Variants in PSMB1 observed in about 807,000 individuals in gnomAD.
PSMB1 encodes the protein proteasome 20S subunit beta 1.
Under a neutral mutation model 25.4 loss-of-function variants are expected in PSMB1, and 7 were observed. The ratio of observed to expected loss-of-function variants is 0.28; its 90% CI spans 0.16 to 0.52. The LOEUF (loss-of-function observed/expected upper bound fraction) is 0.52. Ranked by LOEUF, PSMB1 falls within the 20% of genes least tolerant of loss-of-function variation. The probability of loss-of-function intolerance (pLI) is 0.97; values close to 1 mark genes in which losing one functional copy is unlikely to be tolerated. For missense variants in PSMB1, 284 were observed against 302.2 expected (o/e 0.94, Z 0.45); for synonymous variants, 119 against 115.0 (o/e 1.03, Z -0.22).
chr6:170,545,996 C>A (rs1377097909), intron 3 of PSMB1, 107 bp downstream of exon 3: 7 of 875,608 alleles, frequency 8.0e-6, no homozygotes, highest in Non-Finnish European at 1.3e-5. Flanking sequence ...CATCTACTAA[C>A]CTAGTGACTC....
In PSMB1 at chr6:170,550,525, C is replaced by T. The variant is rs139311041; in HGVS notation, c.114-1412G>A. 2.4e-3 allele frequency: 365 copies of T among 152,194 alleles called. 2 individuals are homozygous for T. Among genetic ancestry groups the T allele is most frequent in the Non-Finnish European group, 2.7e-3 (185 of 68,054 alleles). The allele number at this position is 152,194 out of a possible 1,614,324, so 9.4% of individuals were successfully genotyped here. The stretch of plus-strand genomic sequence containing the variant: ...GTTCAAGGCTGCAGTGAGCTATGAT[C>T]GTGCCTGGGCATTAGAGTGAGACCT... On this transcript the variant is annotated intron_variant, in intron 1 of 5. Transcript: ENST00000262193.
Position 170,536,462 on chromosome 6 carries a change from A to G in PSMB1, c.540+772T>C, listed in dbSNP as rs575315798. 49 of 456,754 alleles carry G rather than the reference A, an allele frequency of 1.1e-4. No individual in the cohort carries two copies. The East Asian group carries it at 3.3e-3, about 30-fold the overall frequency. 28.3% of individuals were successfully genotyped at this position (456,754 alleles called of 1,614,324 possible). A position where few individuals can be genotyped will look rare whatever the true frequency, so the allele number is the denominator to read the frequency against. On this transcript the variant is annotated intron_variant, in intron 5 of 5. Coordinates refer to ENST00000262193, the MANE Select transcript of PSMB1 (RefSeq NM_002793.4). ...GAACTGCTCCCCAAGAAGCAGGGAA[A>G]GTTATGACATCACAAGAAAAAGCTG...
At chr6:170,542,860 T>C (rs747984237) in intron 4 of PSMB1, among the ~76,000 whole-genome samples, 2 of 152,164 alleles carry the variant, frequency 1.3e-5, no homozygotes, top group Non-Finnish European at 2.9e-5. Context: ...CTTATCTCAA[T>C]GGACTACTCT....
At chr6:170,537,447 G>T in intron 4 of PSMB1, 107 bp from the exon 5 acceptor site, 1 of 829,144 alleles carries the variant, frequency 1.2e-6, no homozygotes, top group Non-Finnish European at 1.9e-6. Flanking sequence ...TATCACCTTG[G>T]CTAAAACTTC....
intron 3 of PSMB1, among the ~76,000 whole-genome samples, chr6:170,544,211 T>C (rs1778789646): frequency 8.8e-6 from 1 of 113,242 alleles, no homozygotes; most frequent in African/African-American, 4.2e-5. Flanking sequence ...ATTTACTATC[T>C]GGTCCTTTAC....
rs57002371 is a variant in PSMB1 at position 170,548,503 on chromosome 6, TA to T, written c.221+502del. Among the ~76,000 whole-genome samples, 987 of 144,492 alleles carry T rather than the reference TA, an allele frequency of 6.8e-3. 4 individuals are homozygous for T. The highest frequency in any genetic ancestry group is 7.8e-3 in the Non-Finnish European group (512 of 65,414). The allele number at this position is 144,492 out of a possible 152,430, so 94.8% of individuals were successfully genotyped here. On this transcript the variant is annotated intron_variant, in intron 2 of 5. Coordinates refer to ENST00000262193, the MANE Select transcript of PSMB1 (RefSeq NM_002793.4). Reference sequence around the variant, plus strand: ...ATATTTCTAAAACGAATGTTTCAGGTAAAAAAAAAAAGTGTGGGGAGGCAGA... The same window carrying T: ...ATATTTCTAAAACGAATGTTTCAGGTAAAAAAAAAAGTGTGGGGAGGCAGA...
At chr6:170,537,173 C>A in intron 5 of PSMB1, 61 bp downstream of exon 5, 1 of 1,342,422 alleles carries the variant, frequency 7.4e-7, no homozygotes, top group Admixed American at 1.7e-5. Flanking sequence ...GAGGAAGGCA[C>A]TTCAACTGAA....
At chr6:170,538,843 T>C (rs1778726497) in intron 4 of PSMB1, among the ~76,000 whole-genome samples, 1 of 151,972 alleles carries the variant, frequency 6.6e-6, no homozygotes, top group Non-Finnish European at 1.5e-5. Flanking sequence ...CTAACCTCAA[T>C]ATACAAAAAA....
In PSMB1 at chr6:170,537,319, A is replaced by G. The variant is rs1778706959; in HGVS notation, c.455T>C (p.Phe152Ser). 1.2e-6 allele frequency: 2 copies of G among 1,614,044 alleles called. No homozygotes were observed. Among genetic ancestry groups the G allele is most frequent in the Non-Finnish European group, 8.5e-7 (1 of 1,179,914 alleles). Reference protein sequence around the residue: ...DEEGKGAVYSFDPVGSYQRDS... With the variant: ...DEEGKGAVYSSDPVGSYQRDS... The stretch of plus-strand genomic sequence containing the variant: ...TCTCTGGTAAGACCCTACTGGATCA[A>G]AGCTGTATACAGCCCCCTTTCCTTA... Residue 152 changes from phenylalanine (F) to serine (S), a missense_variant, in exon 5 of 6, where the codon TTT becomes TCT. Phe to Ser is a radical substitution (Grantham distance 155). Transcript: ENST00000262193.
intron 1 of PSMB1, 41 bp downstream of exon 1, chr6:170,553,089 G>A (rs571188016): frequency 5.3e-6 from 8 of 1,520,738 alleles, no homozygotes; most frequent in African/African-American, 2.7e-5. Context: ...GCAGATGGGG[G>A]AAGGGCGAAA....
intron 4 of PSMB1, among the ~76,000 whole-genome samples, chr6:170,540,536 A>C (rs1778745983): frequency 6.6e-6 from 1 of 150,790 alleles, no homozygotes; most frequent in African/African-American, 2.4e-5. Context: ...CATGTCAACA[A>C]GGACTTTCAT....
At chr6:170,552,537 T>C (rs551943707) in intron 1 of PSMB1, among the ~76,000 whole-genome samples, 1 of 152,186 alleles carries the variant, frequency 6.6e-6, no homozygotes, top group African/African-American at 2.4e-5. Flanking sequence ...AAAGCACTTA[T>C]CTATGAAACT....
intron 2 of PSMB1, among the ~76,000 whole-genome samples, chr6:170,547,028 TA>T (rs1296253589): frequency 6.6e-6 from 1 of 152,048 alleles, no homozygotes; most frequent in Non-Finnish European, 1.5e-5. Flanking sequence ...ACCATAAACA[TA>T]AGAGCCTCTA....
At chr6:170,553,080 C>T (rs375615040) in intron 1 of PSMB1, 50 bp downstream of exon 1, 1 of 1,482,736 alleles carries the variant, frequency 6.7e-7, no homozygotes, top group Non-Finnish European at 9.2e-7. Context: ...TAGGCTTCAG[C>T]AGATGGGGGA....
chr6:170,543,854 C>T, intron 3 of PSMB1, 124 bp from the exon 4 acceptor site: 1 of 1,000,750 alleles, frequency 1.0e-6, no homozygotes, highest in South Asian at 2.4e-5. Flanking sequence ...ATGCCTATTT[C>T]CTTCATGATC....
chr6:170,549,976 T>G (rs894251323), intron 1 of PSMB1: 1 of 152,238 alleles, frequency 6.6e-6, no homozygotes, highest in East Asian at 1.9e-4. Context: ...TTACTAGGTA[T>G]GTGATCTTGG....
intron 2 of PSMB1, among the ~76,000 whole-genome samples, chr6:170,547,881 CAAA>C (rs5881874): frequency 1.4e-4 from 16 of 112,960 alleles, no homozygotes; most frequent in Non-Finnish European, 2.6e-4. Context: ...ACGTGTTTCA[CAAA>C]AAAAAAAAAA....
At chr6:170,544,371 A>G (rs1197387790) in intron 3 of PSMB1, among the ~76,000 whole-genome samples, 1 of 152,202 alleles carries the variant, frequency 6.6e-6, no homozygotes, top group East Asian at 1.9e-4. Context: ...AAACATCTAC[A>G]GTAGAGAACA....
intron 1 of PSMB1, among the ~76,000 whole-genome samples, chr6:170,552,523 A>C (rs1459068152): frequency 6.6e-6 from 1 of 152,248 alleles, no homozygotes; most frequent in Non-Finnish European, 1.5e-5. Flanking sequence ...AACGTTAAAA[A>C]AAAAAAGCAC....
Sources: allele counts gnomAD v4.1 joint callset (sites outside exome capture counted in the v4.1 genomes callset), GRCh38; gene constraint gnomAD v4.1.1; transcripts MANE v1.5; gene names NCBI Gene and HGNC (gene_info 2026-07-23, HGNC 2026-07-21).